PRKG1: variants seen among roughly 807,000 people sequenced by gnomAD.
The protein encoded by PRKG1 is protein kinase cGMP-dependent 1, also known as cGMP-dependent protein kinase 1.
PRKG1 carries 35 observed loss-of-function variants against 88.1 expected under a neutral mutation model. That is an observed-to-expected ratio of 0.40 (90% CI 0.30 to 0.53). PRKG1 has a LOEUF of 0.53. Ranked by LOEUF, PRKG1 falls within the 20% of genes least tolerant of loss-of-function variation. PRKG1 has a pLI of 0.59. For synonymous variants in PRKG1, 303 were observed against 292.5 expected (o/e 1.04, Z -0.37); for missense variants, 540 against 839.8 (o/e 0.64, Z 4.41).
At chr10:51,939,303 T>C (rs1303044340) in intron 5 of PRKG1, among the ~76,000 whole-genome samples, 1 of 152,084 alleles carries the variant, frequency 6.6e-6, no homozygotes, top group Non-Finnish European at 1.5e-5. Flanking sequence ...AGAAAATATG[T>C]CACATACGGC....
At chr10:51,684,635 CG>C (rs1840939114) in intron 3 of PRKG1, among the ~76,000 whole-genome samples, 1 of 151,892 alleles carries the variant, frequency 6.6e-6, no homozygotes, top group African/African-American at 2.4e-5. Context: ...TTTGGGAGGC[CG>C]GGGCAACAGA....
intron 5 of PRKG1, among the ~76,000 whole-genome samples, chr10:52,009,750 A>G (rs777194018): frequency 1.3e-5 from 2 of 152,172 alleles, no homozygotes; most frequent in African/African-American, 4.8e-5. Flanking sequence ...ATCTGGAGGC[A>G]TAACATACTC....
chr10:51,089,807 A>G (rs1192346094), intron 1 of PRKG1, among the ~76,000 whole-genome samples: 4 of 152,242 alleles, frequency 2.6e-5, no homozygotes, highest in Non-Finnish European at 5.9e-5. Context: ...TAATTATCAA[A>G]GAGTTAAGGT....
intron 3 of PRKG1, among the ~76,000 whole-genome samples, chr10:51,729,050 T>C (rs1169638625): frequency 6.6e-6 from 1 of 152,204 alleles, no homozygotes; most frequent in Non-Finnish European, 1.5e-5. Flanking sequence ...CAAAGACACA[T>C]CTTGCTTTGC....
intron 7 of PRKG1, chr10:52,128,322 A>C: frequency 1.0e-6 from 1 of 985,398 alleles, no homozygotes; most frequent in Non-Finnish European, 1.2e-6. Context: ...ACTTTGTATC[A>C]ACTATGTTCT....
At chr10:51,087,287 T>TTGA (rs60114266) in intron 1 of PRKG1, among the ~76,000 whole-genome samples, 7,073 of 151,552 alleles carry the variant, frequency 0.047, 368 homozygotes, top group East Asian at 0.14. Flanking sequence ...TGGTCAATTA[T>TTGA]TGATGATGAT....
chr10:51,556,462 A>C (rs1359036515), intron 3 of PRKG1, among the ~76,000 whole-genome samples: 4 of 151,870 alleles, frequency 2.6e-5, no homozygotes, highest in Non-Finnish European at 5.9e-5. Flanking sequence ...TAGTCACGAT[A>C]GCAAAGACAT....
chr10:51,685,756 A>G (rs1391215271), intron 3 of PRKG1, among the ~76,000 whole-genome samples: 2 of 152,206 alleles, frequency 1.3e-5, no homozygotes, highest in African/African-American at 4.8e-5. Context: ...AACTGGAGAC[A>G]GCTCCTCCTG....
At chr10:51,168,987 C>T (rs943689134) in intron 2 of PRKG1, among the ~76,000 whole-genome samples, 3 of 152,136 alleles carry the variant, frequency 2.0e-5, no homozygotes, top group Middle Eastern at 3.4e-3. Flanking sequence ...GATTGGATTC[C>T]CCAATGCTTA....
At chr10:51,972,197 T>C (rs1843728545) in intron 5 of PRKG1, among the ~76,000 whole-genome samples, 1 of 152,198 alleles carries the variant, frequency 6.6e-6, no homozygotes, top group African/African-American at 2.4e-5. Context: ...ACATAAATGG[T>C]CCTATACTTT....
intron 7 of PRKG1, among the ~76,000 whole-genome samples, chr10:52,082,994 A>G (rs1274682116): frequency 6.6e-6 from 1 of 152,122 alleles, no homozygotes; most frequent in Non-Finnish European, 1.5e-5. Flanking sequence ...GGAAAAAAAT[A>G]CACGGATTAT....
chr10:51,326,855 G>A (rs187960905), intron 2 of PRKG1, among the ~76,000 whole-genome samples: 1 of 152,312 alleles, frequency 6.6e-6, no homozygotes, highest in Non-Finnish European at 1.5e-5. Flanking sequence ...TAGAATTAGT[G>A]CATAGAAGCT....
intron 2 of PRKG1, among the ~76,000 whole-genome samples, chr10:51,164,868 A>G (rs1483685846): frequency 6.6e-6 from 1 of 152,140 alleles, no homozygotes; most frequent in Non-Finnish European, 1.5e-5. Context: ...AAAAGAAACG[A>G]ACAAAGCCTC....
At chr10:51,704,246 C>T (rs28396754) in intron 3 of PRKG1, among the ~76,000 whole-genome samples, 23,337 of 150,394 alleles carry the variant, frequency 0.16, 3,102 homozygotes, top group African/African-American at 0.36. Context: ...GACAGACAGA[C>T]AGACAGATAG....
At chr10:51,496,910 A>G (rs559005151) in intron 3 of PRKG1, among the ~76,000 whole-genome samples, 25 of 152,336 alleles carry the variant, frequency 1.6e-4, no homozygotes, top group Non-Finnish European at 3.4e-4. Context: ...TAAAAGTAAG[A>G]ATTTTTGAAA....
rs188271403 is a variant in PRKG1 at position 51,520,126 on chromosome 10, C to T, written c.592+52290C>T. 2.6e-5 allele frequency among the ~76,000 whole-genome samples: 4 copies of T among 152,048 alleles called. No homozygotes were observed. The East Asian group carries it at 7.7e-4, about 29-fold the overall frequency. ...GGTAAAATCTTTTGAGCCTAAAGAA[C>T]TCCAATATCTTGGTTAACATAGATT... On this transcript the variant is annotated intron_variant, in intron 3 of 17. Transcript: ENST00000373980.
At chr10:52,174,167 A>G (rs1030729024) in intron 9 of PRKG1, among the ~76,000 whole-genome samples, 4 of 151,806 alleles carry the variant, frequency 2.6e-5, no homozygotes, top group African/African-American at 9.7e-5. Context: ...TTTCCTCTCA[A>G]GCCCCTTAAC....
chr10:51,731,906 T>A (rs1396829918), intron 3 of PRKG1, among the ~76,000 whole-genome samples: 2 of 152,216 alleles, frequency 1.3e-5, no homozygotes, highest in Non-Finnish European at 2.9e-5. Context: ...GGCTTGCAGA[T>A]GGCTGCCCTT....
intron 2 of PRKG1, among the ~76,000 whole-genome samples, chr10:51,231,747 TGAC>T (rs1054873181): frequency 5.1e-4 from 77 of 151,964 alleles, no homozygotes; most frequent in Admixed American, 4.8e-3. Context: ...CTTCTAGATG[TGAC>T]GTTTTCTGGA....
Sources: allele counts gnomAD v4.1 joint callset (sites outside exome capture counted in the v4.1 genomes callset), GRCh38; gene constraint gnomAD v4.1.1; transcripts MANE v1.5; gene names NCBI Gene and HGNC (gene_info 2026-07-23, HGNC 2026-07-21).